FOXA3: variants seen among roughly 807,000 people sequenced by gnomAD.
FOXA3 encodes hepatocyte nuclear factor 3-gamma.
Under a neutral mutation model 16.9 loss-of-function variants are expected in FOXA3, and 11 were observed. That is an observed-to-expected ratio of 0.65 (90% CI 0.41 to 1.08). The LOEUF is 1.08. FOXA3 is among the 50% of genes least tolerant of loss of function. The probability of loss-of-function intolerance (pLI) is 0.00; values close to 1 mark genes in which losing one functional copy is unlikely to be tolerated. For missense variants in FOXA3, 423 were observed against 470.1 expected (o/e 0.90, Z 0.93); for synonymous variants, 217 against 203.3 (o/e 1.07, Z -0.57).
chr19:45,865,336 TCAC>T (rs1488326974), intron 1 of FOXA3, among the ~76,000 whole-genome samples: 8 of 152,058 alleles, frequency 5.3e-5, no homozygotes, highest in Non-Finnish European at 7.4e-5. Flanking sequence ...CCATCCAGTC[TCAC>T]CTCAGACAAG....
intron 1 of FOXA3, among the ~76,000 whole-genome samples, chr19:45,868,689 G>T (rs1248450247): frequency 6.6e-6 from 1 of 151,536 alleles, no homozygotes; most frequent in South Asian, 2.1e-4. Flanking sequence ...CCCCACCCAC[G>T]CAGTGCCATG....
At chr19:45,868,639 C>T (rs1568633677) in intron 1 of FOXA3, among the ~76,000 whole-genome samples, 1 of 149,634 alleles carries the variant, frequency 6.7e-6, no homozygotes, top group African/African-American at 2.5e-5. Context: ...AGTTAACTCA[C>T]ATTTGGTGGC....
intron 1 of FOXA3, among the ~76,000 whole-genome samples, chr19:45,869,927 A>G (rs889684834): frequency 2.6e-4 from 40 of 151,768 alleles, no homozygotes; most frequent in Non-Finnish European, 5.3e-4. Flanking sequence ...CTGGGACTAC[A>G]GGCGCCCGCC....
chr19:45,866,879 C>T (rs559637474), intron 1 of FOXA3, among the ~76,000 whole-genome samples: 182 of 152,290 alleles, frequency 1.2e-3, no homozygotes, highest in African/African-American at 4.3e-3. Flanking sequence ...ACACTGCCTT[C>T]CTCTGCTCCC....
At position 45,873,118 on chromosome 19, in the gene FOXA3, C is replaced by A; in HGVS notation, c.*60C>A. 1 of 1,551,948 alleles carries A rather than the reference C, an allele frequency of 6.4e-7. No homozygotes were observed. Among genetic ancestry groups the A allele is most frequent in the South Asian group, 1.2e-5 (1 of 83,994 alleles). On this transcript the variant is annotated 3_prime_UTR_variant, in exon 2 of 2. Coordinates refer to ENST00000302177, the MANE Select transcript of FOXA3 (RefSeq NM_004497.3). ...AGCTCACACCACGAAGCTCTTGGGG[C>A]CTGATCCTTCTGGTGACACTTCACT...
At chr19:45,869,119 G>T (rs1335710113) in intron 1 of FOXA3, among the ~76,000 whole-genome samples, 3 of 152,036 alleles carry the variant, frequency 2.0e-5, no homozygotes, top group African/African-American at 4.8e-5. Flanking sequence ...TGGAGACGGG[G>T]TTTCTCCCTG....
chr19:45,869,808 C>T (rs1280500745), intron 1 of FOXA3, among the ~76,000 whole-genome samples: 1 of 150,216 alleles, frequency 6.7e-6, no homozygotes, highest in African/African-American at 2.5e-5. Flanking sequence ...TTTTTTGAGA[C>T]AGAGTCTTGC....
rs1568635150 is a variant in FOXA3 at position 45,873,072 on chromosome 19, CATG to C, written c.*15_*17del. ...AATGCATCCTAGCAGGGGTTGGGAA[CATG>C]GTGGTGGGTATGGCTGGAGCTCACA... On this transcript the variant is annotated 3_prime_UTR_variant, in exon 2 of 2. Coordinates refer to ENST00000302177, the MANE Select transcript of FOXA3 (RefSeq NM_004497.3). 2.5e-6 allele frequency: 4 copies of C among 1,575,364 alleles called. No individual in the cohort carries two copies. The highest frequency in any genetic ancestry group is 2.3e-5 in the East Asian group (1 of 43,470).
chr19:45,865,451 C>T (rs545559493), intron 1 of FOXA3, among the ~76,000 whole-genome samples: 1 of 152,242 alleles, frequency 6.6e-6, no homozygotes, highest in Admixed American at 6.5e-5. Flanking sequence ...GCTGCAACGA[C>T]CCCTACACCT....
intron 1 of FOXA3, among the ~76,000 whole-genome samples, chr19:45,870,528 C>A (rs1241188790): frequency 6.6e-6 from 1 of 151,252 alleles, no homozygotes; most frequent in Non-Finnish European, 1.5e-5. Flanking sequence ...CCTAATAAAC[C>A]AGCAGTTATT....
chr19:45,867,441 A>ATAGG (rs1466331629), intron 1 of FOXA3, among the ~76,000 whole-genome samples: 48 of 151,944 alleles, frequency 3.2e-4, no homozygotes, highest in African/African-American at 1.2e-3. Flanking sequence ...AGATAGATAG[A>ATAGG]TAGATAGATA....
chr19:45,865,509 G>A (rs1287912898), intron 1 of FOXA3, among the ~76,000 whole-genome samples: 2 of 152,132 alleles, frequency 1.3e-5, no homozygotes, highest in Non-Finnish European at 2.9e-5. Context: ...TGGGGCTGGG[G>A]GTTGGGTTCT....
intron 1 of FOXA3, among the ~76,000 whole-genome samples, chr19:45,866,011 G>A (rs1166391731): frequency 6.6e-6 from 1 of 152,120 alleles, no homozygotes; most frequent in Non-Finnish European, 1.5e-5. Flanking sequence ...TTGTTTTGGG[G>A]GCACATCTTA....
At position 45,872,247 on chromosome 19, in the gene FOXA3, T is replaced by G; in HGVS notation, c.242T>G (p.Leu81Arg). ...CCCCTGGGGCCCACTTTCCCAGGCC[T>G]GGGTGTCAGCGGTGGCAGCAGCAGC... ...AAPLGPTFPG[L>R]GVSGGSSSSG... The change falls in exon 2 of 2, where the codon CTG becomes CGG. Residue 81 changes from leucine (L) to arginine (R), a missense_variant. Leu to Arg is a moderately radical substitution (Grantham distance 102). Coordinates refer to ENST00000302177, the MANE Select transcript of FOXA3 (RefSeq NM_004497.3). This position sits in a 1 kb window ranked among gnomAD's most constrained non-coding sequence, Gnocchi z 4.5. 6.2e-7 allele frequency: 1 copy of G among 1,609,580 alleles called. No individual in the cohort carries two copies. Among genetic ancestry groups the G allele is most frequent in the Non-Finnish European group, 8.5e-7 (1 of 1,176,666 alleles).
rs559472138 is a variant in FOXA3, at chr19:45,873,376, G to A, written c.*318G>A. 2 of 403,332 alleles carry A rather than the reference G, an allele frequency of 5.0e-6. No individual in the cohort carries two copies. Among genetic ancestry groups the A allele is most frequent in the Non-Finnish European group, 9.2e-6 (2 of 218,474 alleles). The allele number at this position is 403,332 out of a possible 1,614,324, so 25.0% of individuals were successfully genotyped here. On this transcript the variant is annotated 3_prime_UTR_variant, in exon 2 of 2. Coordinates refer to ENST00000302177, the MANE Select transcript of FOXA3 (RefSeq NM_004497.3). ...TGGGTGTGATGGTGATAGCATTTCAGTGACATCTTCTTTGGCCCCCCCCAT... is the reference window on the plus strand; with the variant it reads ...TGGGTGTGATGGTGATAGCATTTCAATGACATCTTCTTTGGCCCCCCCCAT...
At chr19:45,866,757 T>TCAGCTGGTC (rs1972088616) in intron 1 of FOXA3, among the ~76,000 whole-genome samples, 1 of 152,142 alleles carries the variant, frequency 6.6e-6, no homozygotes, top group South Asian at 2.1e-4. Flanking sequence ...TTCTTGCAGA[T>TCAGCTGGTC]CAGCTGGTCC....
Position 45,864,403 on chromosome 19 carries a change from C to T in FOXA3, c.-54C>T. On this transcript the variant is annotated 5_prime_UTR_variant, in exon 1 of 2. Transcript: ENST00000302177. ...GCCGTGCCCGCTGAGAGATCCAGAGCGCTCCGTTCCCCCGGGGCCGGAGCG... is the reference window on the plus strand; with the variant it reads ...GCCGTGCCCGCTGAGAGATCCAGAGTGCTCCGTTCCCCCGGGGCCGGAGCG... 1.5e-6 allele frequency: 2 copies of T among 1,330,314 alleles called. No individual in the cohort carries two copies. The highest frequency in any genetic ancestry group is 2.0e-6 in the Non-Finnish European group (2 of 1,021,098). The allele number at this position is 1,330,314 out of a possible 1,614,324, so 82.4% of individuals were successfully genotyped here. A position where few individuals can be genotyped will look rare whatever the true frequency, so the allele number is the denominator to read the frequency against.
At chr19:45,868,472 C>T (rs548564216) in intron 1 of FOXA3, among the ~76,000 whole-genome samples, 2 of 151,080 alleles carry the variant, frequency 1.3e-5, no homozygotes, top group African/African-American at 4.9e-5. Flanking sequence ...CCCAGCTGCT[C>T]GGGAGGCTGA....
At chr19:45,866,343 C>T (rs974953722) in intron 1 of FOXA3, among the ~76,000 whole-genome samples, 1 of 151,926 alleles carries the variant, frequency 6.6e-6, no homozygotes, top group African/African-American at 2.4e-5. Context: ...GCTGGGAGTT[C>T]GAGCTGCCGG....
Sources: gnomAD v4.1 joint callset for allele counts (sites outside exome capture counted in the v4.1 genomes callset) on GRCh38, gnomAD v4.1.1 for gene constraint, Gnocchi (gnomAD v3.1) non-coding constraint, MANE v1.5 for transcripts, NCBI Gene and HGNC (gene_info 2026-07-23, HGNC 2026-07-21) for gene names.